The following CCSER2 variants were observed in gnomAD, a reference collection of about 807,000 sequenced individuals.
CCSER2 encodes the protein serine-rich coiled-coil domain-containing protein 2.
In CCSER2, 46 loss-of-function variants were observed where a neutral mutation model predicts 92.3. The observed-to-expected ratio is 0.50, with a 90% confidence interval of 0.39 to 0.64. The LOEUF is 0.64. Among genes scored for constraint, CCSER2 ranks in the 30% least tolerant of loss-of-function variants. CCSER2 has a pLI of 0.00. For missense variants in CCSER2, 1,244 were observed against 1,238.9 expected (o/e 1.00, Z -0.06); for synonymous variants, 433 against 431.4 (o/e 1.00, Z -0.04).
chr10:84,346,920 A>G (rs1380157528), intron 1 of CCSER2, among the ~76,000 whole-genome samples: 2 of 151,972 alleles, frequency 1.3e-5, no homozygotes, highest in Admixed American at 1.3e-4. Flanking sequence ...TAGGCAGAGG[A>G]CCCTGTGGCC....
intron 8 of CCSER2, among the ~76,000 whole-genome samples, chr10:84,476,435 CTTTTTTTTT>C (rs35978182): frequency 3.6e-3 from 213 of 58,562 alleles, no homozygotes; most frequent in African/African-American, 0.011. Context: ...AATTCTCTCT[CTTTTTTTTT>C]TTTTTTTTTT....
At chr10:84,335,669 G>A (rs986854484) in intron 1 of CCSER2, among the ~76,000 whole-genome samples, 4 of 152,066 alleles carry the variant, frequency 2.6e-5, no homozygotes, top group Non-Finnish European at 4.4e-5. Context: ...TAGTGAATAC[G>A]CTAGGGACAA....
intron 3 of CCSER2, among the ~76,000 whole-genome samples, chr10:84,376,839 C>T (rs770227045): frequency 1.3e-5 from 2 of 152,018 alleles, no homozygotes; most frequent in African/African-American, 4.8e-5. Flanking sequence ...ACCTTCTTGT[C>T]TATTCTTGGT....
chr10:84,481,765 G>A (rs563812246), intron 9 of CCSER2, among the ~76,000 whole-genome samples: 3 of 152,038 alleles, frequency 2.0e-5, no homozygotes, highest in East Asian at 1.9e-4. Flanking sequence ...TCTTCTGCTT[G>A]GGAAAGCAAT....
chr10:84,406,505 C>G (rs1168561625), intron 3 of CCSER2, among the ~76,000 whole-genome samples: 4 of 152,186 alleles, frequency 2.6e-5, no homozygotes, highest in Non-Finnish European at 2.9e-5. Flanking sequence ...TCTCACAGTT[C>G]ACTCTATTTG....
rs1477502067 is a variant in CCSER2, at chr10:84,457,402, TA to T, written c.2065-6530del. ...TTTTAAATATATATTTATTTAAATA[TA>T]TATTTTAAAAAATATATTTAAAATT... On this transcript the variant is annotated intron_variant, in intron 6 of 9. Coordinates refer to ENST00000372088, the MANE Select transcript of CCSER2 (RefSeq NM_001284240.2). Among the ~76,000 whole-genome samples the T allele has an allele frequency of 9.4e-5, 8 of 84,904 alleles. No homozygotes were observed. In the East Asian group the frequency reaches 2.4e-3, roughly 25 times the overall value. The allele number at this position is 84,904 out of a possible 152,430, so 55.7% of individuals were successfully genotyped here.
At chr10:84,425,373 C>G (rs1209612984) in intron 4 of CCSER2, 1 of 172,234 alleles carries the variant, frequency 5.8e-6, no homozygotes, top group East Asian at 1.9e-4. Context: ...ATTCTGAAAT[C>G]AGAGCCAACT....
chr10:84,394,382 AGTATGTGT>A (rs372874091), intron 3 of CCSER2, among the ~76,000 whole-genome samples: 16,402 of 91,210 alleles, frequency 0.18, 2,796 homozygotes, highest in African/African-American at 0.42. Context: ...ACAAAAGGAA[AGTATGTGT>A]GTGTGTGTGT....
intron 6 of CCSER2, among the ~76,000 whole-genome samples, chr10:84,441,273 T>C (rs1725056619): frequency 6.6e-6 from 1 of 152,222 alleles, no homozygotes; most frequent in African/African-American, 2.4e-5. Context: ...CTCGACTTGA[T>C]ATTCCAGCTG....
intron 3 of CCSER2, among the ~76,000 whole-genome samples, chr10:84,384,957 C>G (rs969581319): frequency 2.6e-5 from 4 of 151,438 alleles, no homozygotes; most frequent in African/African-American, 2.4e-5. Flanking sequence ...CATACACCAT[C>G]AGTGCTCAAA....
chr10:84,375,157 C>G (rs1846259718), intron 3 of CCSER2, among the ~76,000 whole-genome samples: 1 of 152,142 alleles, frequency 6.6e-6, no homozygotes, highest in African/African-American at 2.4e-5. Flanking sequence ...AGGCTAACCA[C>G]CTTGATTCAG....
At chr10:84,384,732 C>T (rs1417987274) in intron 3 of CCSER2, among the ~76,000 whole-genome samples, 1 of 152,096 alleles carries the variant, frequency 6.6e-6, no homozygotes, top group Non-Finnish European at 1.5e-5. Flanking sequence ...TATCCACTCC[C>T]ATCACTCCTA....
At chr10:84,474,450 C>T (rs976438121) in intron 8 of CCSER2, among the ~76,000 whole-genome samples, 1 of 152,050 alleles carries the variant, frequency 6.6e-6, no homozygotes, top group Non-Finnish European at 1.5e-5. Flanking sequence ...CACCTGAGGT[C>T]AGGAGTTCGA....
At chr10:84,424,001 AAAAG>A in intron 4 of CCSER2, among the ~76,000 whole-genome samples, 1 of 150,738 alleles carries the variant, frequency 6.6e-6, no homozygotes, top group Non-Finnish European at 1.5e-5. Context: ...AAAAAAAAAA[AAAAG>A]ACTCTCCATG....
In CCSER2 at chr10:84,397,480, C is replaced by T. The variant is rs576572627; in HGVS notation, c.1615-20291C>T. On this transcript the variant is annotated intron_variant, in intron 3 of 9. Coordinates refer to ENST00000372088, the MANE Select transcript of CCSER2 (RefSeq NM_001284240.2). ...TGAACCTAAAATAAGGAAATTCTGA[C>T]TGCTAAAGGAATTGAGGTCACTCAA... Among the ~76,000 whole-genome samples, 6 of 152,314 alleles carry T rather than the reference C, an allele frequency of 3.9e-5. No individual in the cohort carries two copies. In the East Asian group the frequency reaches 1.2e-3, roughly 29 times the overall value.
chr10:84,434,335 A>G (rs1373444833), intron 5 of CCSER2, among the ~76,000 whole-genome samples: 1 of 152,036 alleles, frequency 6.6e-6, no homozygotes, highest in African/African-American at 2.4e-5. Flanking sequence ...GCTCCCTCCT[A>G]TCTTCATAGT....
At chr10:84,381,492 G>A (rs561644175) in intron 3 of CCSER2, among the ~76,000 whole-genome samples, 2 of 152,278 alleles carry the variant, frequency 1.3e-5, no homozygotes, top group East Asian at 3.9e-4. Flanking sequence ...GGCTTGCTGT[G>A]CCTAAACTGT....
intron 1 of CCSER2, among the ~76,000 whole-genome samples, chr10:84,335,039 C>T (rs1446688527): frequency 1.3e-5 from 2 of 152,092 alleles, no homozygotes; most frequent in Non-Finnish European, 2.9e-5. Flanking sequence ...GGTCTCCTAC[C>T]CTGTATCTTG....
intron 1 of CCSER2, among the ~76,000 whole-genome samples, chr10:84,337,025 G>A (rs1160357298): frequency 2.0e-5 from 3 of 152,178 alleles, no homozygotes; most frequent in Non-Finnish European, 2.9e-5. Flanking sequence ...TTTTAGCGGG[G>A]GAAGTAACGA....
Sources: allele counts gnomAD v4.1 joint callset (sites outside exome capture counted in the v4.1 genomes callset), GRCh38; gene constraint gnomAD v4.1.1; transcripts MANE v1.5; gene names NCBI Gene and HGNC (gene_info 2026-07-23, HGNC 2026-07-21).